The following ARHGAP15 variants were observed in gnomAD, a reference collection of about 807,000 sequenced individuals.
The protein encoded by ARHGAP15 is rho GTPase-activating protein 15.
ARHGAP15 carries 51 observed loss-of-function variants against 63.7 expected under a neutral mutation model. The ratio of observed to expected loss-of-function variants is 0.80; its 90% CI spans 0.64 to 1.01. The LOEUF is 1.01. Ranked by LOEUF, ARHGAP15 falls within the 50% of genes least tolerant of loss-of-function variation. The pLI is 0.00. For synonymous variants in ARHGAP15, 191 were observed against 193.8 expected (o/e 0.99, Z 0.12); for missense variants, 560 against 564.6 (o/e 0.99, Z 0.08).
At chr2:143,205,344 A>G (rs1427785773) in intron 3 of ARHGAP15, among the ~76,000 whole-genome samples, 1 of 151,862 alleles carries the variant, frequency 6.6e-6, no homozygotes, top group Admixed American at 6.6e-5. Flanking sequence ...TGTTACCTTA[A>G]TTTACTCTAT....
chr2:143,388,901 C>G (rs1238672303), intron 6 of ARHGAP15, among the ~76,000 whole-genome samples: 2 of 151,800 alleles, frequency 1.3e-5, no homozygotes, highest in African/African-American at 4.8e-5. Flanking sequence ...GATATGAATA[C>G]TTTCAAGTCT....
At chr2:143,137,640 A>G (rs928342166) in intron 1 of ARHGAP15, among the ~76,000 whole-genome samples, 1 of 152,068 alleles carries the variant, frequency 6.6e-6, no homozygotes, top group African/African-American at 2.4e-5. Flanking sequence ...ACCTCTAAGT[A>G]TTTAAATTTT....
At chr2:143,402,051 T>G (rs1688009599) in intron 6 of ARHGAP15, among the ~76,000 whole-genome samples, 1 of 151,902 alleles carries the variant, frequency 6.6e-6, no homozygotes, top group African/African-American at 2.4e-5. Context: ...CACAAGCATG[T>G]CACAGATTGG....
chr2:143,334,307 T>C (rs961932783), intron 6 of ARHGAP15, among the ~76,000 whole-genome samples: 2 of 152,222 alleles, frequency 1.3e-5, no homozygotes, highest in East Asian at 1.9e-4. Context: ...CCAATACTTA[T>C]AGAAAATACC....
chr2:143,710,945 A>G (rs1232853540), intron 13 of ARHGAP15, among the ~76,000 whole-genome samples: 2 of 152,218 alleles, frequency 1.3e-5, no homozygotes, highest in African/African-American at 4.8e-5. Context: ...TCTACCTACA[A>G]ATTCCTTCAG....
At chr2:143,583,082 C>G (rs1442803796) in intron 11 of ARHGAP15, among the ~76,000 whole-genome samples, 1 of 152,136 alleles carries the variant, frequency 6.6e-6, no homozygotes, top group Non-Finnish European at 1.5e-5. Flanking sequence ...TCACGTACAG[C>G]TGGCCACCCT....
chr2:143,642,185 GATT>G (rs763907691), intron 12 of ARHGAP15, among the ~76,000 whole-genome samples: 10 of 152,084 alleles, frequency 6.6e-5, no homozygotes, highest in Non-Finnish European at 8.8e-5. Context: ...AGCAGGGAAT[GATT>G]ATACAGGTTT....
At chr2:143,144,970 G>A (rs183978477) in intron 1 of ARHGAP15, among the ~76,000 whole-genome samples, 51 of 152,128 alleles carry the variant, frequency 3.4e-4, no homozygotes, top group African/African-American at 1.2e-3. Context: ...TCCCTTAGGG[G>A]TTATGACCAA....
chr2:143,174,688 T>C (rs1388862669), intron 2 of ARHGAP15, among the ~76,000 whole-genome samples: 1 of 152,148 alleles, frequency 6.6e-6, no homozygotes, highest in Non-Finnish European at 1.5e-5. Flanking sequence ...TATGCAGCAC[T>C]TTTGAGTGCC....
intron 8 of ARHGAP15, among the ~76,000 whole-genome samples, chr2:143,473,154 C>T (rs1034900346): frequency 6.6e-6 from 1 of 152,106 alleles, no homozygotes; most frequent in Admixed American, 6.5e-5. Flanking sequence ...AATATTTTTG[C>T]CAAACCATCA....
intron 10 of ARHGAP15, among the ~76,000 whole-genome samples, chr2:143,535,922 G>GT (rs1188516533): frequency 4.0e-5 from 6 of 151,874 alleles, no homozygotes; most frequent in Non-Finnish European, 8.8e-5. Context: ...AAACGTCTTA[G>GT]TTTTTTTTAA....
At position 143,726,499 on chromosome 2, in the gene ARHGAP15, TGGGTACCAC is replaced by T. The variant is rs1685286095; in HGVS notation, c.1244+22976_1244+22984del. On this transcript the variant is annotated intron_variant, in intron 13 of 13. Transcript: ENST00000295095. ...GTCTATAGGAAAGATTCCAGTATTG[TGGGTACCAC>T]ACCCACACCTACTGATGTGGTCCAA... Among the ~76,000 whole-genome samples, 2 of 152,336 alleles carry T rather than the reference TGGGTACCAC, an allele frequency of 1.3e-5. 1 individual carries two copies. The highest frequency in any genetic ancestry group is 4.1e-4 in the South Asian group (2 of 4,826).
intron 6 of ARHGAP15, among the ~76,000 whole-genome samples, chr2:143,279,317 T>C (rs1293752437): frequency 6.6e-6 from 1 of 152,168 alleles, no homozygotes; most frequent in Admixed American, 6.6e-5. Context: ...AGAAAAGATT[T>C]TCAAGTATTG....
At chr2:143,451,478 AGTTT>A (rs1690404701) in intron 8 of ARHGAP15, among the ~76,000 whole-genome samples, 1 of 151,910 alleles carries the variant, frequency 6.6e-6, no homozygotes, top group Admixed American at 6.6e-5. Flanking sequence ...CTAAATTTTT[AGTTT>A]ATTTGTCATC....
intron 11 of ARHGAP15, among the ~76,000 whole-genome samples, chr2:143,600,608 G>A (rs1697729971): frequency 6.6e-6 from 1 of 152,076 alleles, no homozygotes; most frequent in Middle Eastern, 3.2e-3. Context: ...ACATAGTTTT[G>A]TATTGCTTTA....
At chr2:143,234,228 C>T (rs946544189) in intron 5 of ARHGAP15, among the ~76,000 whole-genome samples, 11 of 152,026 alleles carry the variant, frequency 7.2e-5, no homozygotes, top group African/African-American at 2.7e-4. Context: ...TTTTTTCCTG[C>T]AGGCATTTTT....
intron 6 of ARHGAP15, among the ~76,000 whole-genome samples, chr2:143,408,436 A>G (rs1278889669): frequency 1.3e-5 from 2 of 151,674 alleles, no homozygotes; most frequent in African/African-American, 2.4e-5. Flanking sequence ...GGCTGCATAT[A>G]TCTAAGCCTA....
intron 13 of ARHGAP15, among the ~76,000 whole-genome samples, chr2:143,767,633 T>A (rs565346173): frequency 6.6e-6 from 1 of 152,084 alleles, no homozygotes; most frequent in African/African-American, 2.4e-5. Context: ...ATATATATAT[T>A]TTTTTGCATG....
rs567931937 is a variant in ARHGAP15, at chr2:143,147,647, A to C, written c.-14-7830A>C. Reference sequence around the variant, plus strand: ...CCTTATGTCTCTTTAATTAGATGCAATTGCACCCTAGGAACCTTTTCTTCA... The same window carrying C: ...CCTTATGTCTCTTTAATTAGATGCACTTGCACCCTAGGAACCTTTTCTTCA... On this transcript the variant is annotated intron_variant, in intron 1 of 13. Coordinates refer to ENST00000295095, the MANE Select transcript of ARHGAP15 (RefSeq NM_018460.4). 1.2e-3 allele frequency among the ~76,000 whole-genome samples: 188 copies of C among 152,068 alleles called. 1 individual carries two copies. Among genetic ancestry groups the C allele is most frequent in the African/African-American group, 4.5e-3 (185 of 41,522 alleles).
Sources: allele counts gnomAD v4.1 joint callset (sites outside exome capture counted in the v4.1 genomes callset), GRCh38; gene constraint gnomAD v4.1.1; transcripts MANE v1.5; gene names NCBI Gene and HGNC (gene_info 2026-07-23, HGNC 2026-07-21).